The following TTF2 variants were observed in gnomAD, a reference collection of about 807,000 sequenced individuals.
TTF2 encodes transcription termination factor 2.
Under a neutral mutation model 142.4 loss-of-function variants are expected in TTF2, and 108 were observed. The ratio of observed to expected loss-of-function variants is 0.76; its 90% CI spans 0.65 to 0.89. The LOEUF (loss-of-function observed/expected upper bound fraction) is 0.89, where lower values mean the gene tolerates loss of function less well. Ranked by LOEUF, TTF2 falls within the 40% of genes least tolerant of loss-of-function variation. The pLI is 0.00. For missense variants in TTF2, 1,327 were observed against 1,379.8 expected (o/e 0.96, Z 0.61); for synonymous variants, 483 against 506.2 (o/e 0.95, Z 0.61).
In TTF2 at chr1:117,077,985, G is replaced by A. The variant is rs137921158; in HGVS notation, c.1643G>A (p.Arg548His). Reference sequence around the variant, plus strand: ...AGTGAAGCCATCGGTCAACTGCATCGCTCACTTGAGTCATGTCCTGGTGAG... The same window carrying A: ...AGTGAAGCCATCGGTCAACTGCATCACTCACTTGAGTCATGTCCTGGTGAG... Reference protein sequence around the residue: ...ITSEAIGQLHRSLESCPGETV... With the variant: ...ITSEAIGQLHHSLESCPGETV... The change falls in exon 8 of 23, where the codon CGC becomes CAC. Residue 548 changes from arginine (R) to histidine (H), a missense_variant. Arg to His is a conservative substitution (Grantham distance 29, BLOSUM62 0). Transcript: ENST00000369466. The A allele has an allele frequency of 3.2e-4, 510 of 1,614,074 alleles. No homozygotes were observed. The highest frequency in any genetic ancestry group is 4.1e-4 in the Non-Finnish European group (483 of 1,180,028).
intron 15 of TTF2, among the ~76,000 whole-genome samples, chr1:117,091,031 C>T (rs938733413): frequency 6.6e-6 from 1 of 152,212 alleles, no homozygotes; most frequent in African/African-American, 2.4e-5. Context: ...TTCTCTTGAA[C>T]TCTTATCTTT....
intron 10 of TTF2, among the ~76,000 whole-genome samples, chr1:117,083,453 G>A (rs530470796): frequency 6.6e-6 from 1 of 152,186 alleles, no homozygotes; most frequent in African/African-American, 2.4e-5. Flanking sequence ...AAAGGTTTCT[G>A]TACTTAATTT....
rs1284904632 is a variant in TTF2, at chr1:117,090,224, C to G, written c.2496+16C>G. 1 of 1,612,320 alleles carries G rather than the reference C, an allele frequency of 6.2e-7. No homozygotes were observed. The highest frequency in any genetic ancestry group is 1.3e-5 in the African/African-American group (1 of 74,888). ...CAGACCTTTGGTAATCAAGTTTGTA[C>G]CTGTCCCTGGGGGAGGCCAGGGAAG... On this transcript the variant is annotated intron_variant, in intron 14 of 22. Transcript: ENST00000369466. The surrounding 1 kb of genome is among the most constrained non-coding windows in gnomAD (Gnocchi z 4.8).
chr1:117,096,238 C>G lies in TTF2; in HGVS notation c.3125C>G (p.Ser1042Cys). Residue 1042 changes from serine to cysteine, a missense_variant, in exon 20 of 23, where the codon TCT becomes TGT. Coordinates refer to ENST00000369466, the MANE Select transcript of TTF2 (RefSeq NM_003594.4). ...HGLTYATIDG[S>C]VNPKQRMDLV... is the part of the protein sequence containing the mutation. ...CTGACTTATGCCACCATCGATGGCT[C>G]TGTCAATCCCAAGCAGAGAATGGAC... The G allele has an allele frequency of 1.2e-6, 2 of 1,614,048 alleles. No homozygotes were observed. The highest frequency in any genetic ancestry group is 1.6e-4 in the Middle Eastern group (1 of 6,062).
At position 117,075,494 on chromosome 1, in the gene TTF2, AC is replaced by A. The variant is rs756954173; in HGVS notation, c.913del (p.Gln305ArgfsTer74). The A allele has an allele frequency of 6.2e-7, 1 of 1,614,128 alleles. No individual in the cohort carries two copies. Among genetic ancestry groups the A allele is most frequent in the East Asian group, 2.2e-5 (1 of 44,880 alleles). ...KAKDGPSIQATQKSLPQGHFQ... is the reference protein window; with the variant it reads ...KAKDGPSIQAXQKSLPQGHFQ... ...AAAGGATGGCCCTAGCATACAGGCC[AC>A]CCAGAAAAGCCTGCCTCAGGGGCAT... On this transcript the variant is annotated frameshift_variant, in exon 5 of 23. Transcript: ENST00000369466. LOFTEE classifies it high-confidence loss of function. The surrounding 1 kb of genome is among the most constrained non-coding windows in gnomAD (Gnocchi z 4.5).
rs957265303 is a variant in TTF2, at chr1:117,076,326, T to C, written c.1390+32T>C. 1 of 1,546,996 alleles carries C rather than the reference T, an allele frequency of 6.5e-7. No individual in the cohort carries two copies. Among genetic ancestry groups the C allele is most frequent in the Non-Finnish European group, 8.9e-7 (1 of 1,125,530 alleles). On this transcript the variant is annotated intron_variant, in intron 6 of 22. Transcript: ENST00000369466. The surrounding 1 kb of genome is among the most constrained non-coding windows in gnomAD (Gnocchi z 4.6). ...TGGCTTATGCCTCAGAACTCCGGGTTTGCATCGACTTTACAAGAGACATTC... is the reference window on the plus strand; with the variant it reads ...TGGCTTATGCCTCAGAACTCCGGGTCTGCATCGACTTTACAAGAGACATTC...
Position 117,079,587 on chromosome 1 carries a change from AG to A in TTF2, c.1722del (p.Lys575SerfsTer26). 1 of 1,614,244 alleles carries A rather than the reference AG, an allele frequency of 6.2e-7. No homozygotes were observed. The highest frequency in any genetic ancestry group is 8.5e-7 in the Non-Finnish European group (1 of 1,180,036). ...TGTCAGGTCCCTTTGCTACTACACC[AG>A]AAGCAGGCATTGGCTTGGTTACTAT... ...AGLKVPLLLH[Q>X]KQALAWLLWR... On this transcript the variant is annotated frameshift_variant, in exon 9 of 23. Transcript: ENST00000369466. LOFTEE classifies it high-confidence loss of function. This position sits in a 1 kb window ranked among gnomAD's most constrained non-coding sequence, Gnocchi z 4.2.
intron 3 of TTF2, among the ~76,000 whole-genome samples, chr1:117,068,186 A>T (rs1388371053): frequency 6.6e-6 from 1 of 152,250 alleles, no homozygotes; most frequent in Non-Finnish European, 1.5e-5. Flanking sequence ...ACTCAAGGAT[A>T]CAGGGTCAAA....
At position 117,070,235 on chromosome 1, in the gene TTF2, T is replaced by A. The variant is rs1366954742; in HGVS notation, c.219-3426T>A. Among the ~76,000 whole-genome samples, 1 of 152,230 alleles carries A rather than the reference T, an allele frequency of 6.6e-6. No individual in the cohort carries two copies. Among genetic ancestry groups the A allele is most frequent in the Non-Finnish European group, 1.5e-5 (1 of 68,032 alleles). Reference sequence around the variant, plus strand: ...TTAAAGTAGACACTACAGTCATGAGTCATTTAACAATGGGGGCATATTCTG... The same window carrying A: ...TTAAAGTAGACACTACAGTCATGAGACATTTAACAATGGGGGCATATTCTG... On this transcript the variant is annotated intron_variant, in intron 3 of 22. Transcript: ENST00000369466. The surrounding 1 kb of genome is among the most constrained non-coding windows in gnomAD (Gnocchi z 4.2).
rs1324920847 is a variant in TTF2 at position 117,094,551 on chromosome 1, A to G, written c.2977-758A>G. On this transcript the variant is annotated intron_variant, in intron 18 of 22. Coordinates refer to ENST00000369466, the MANE Select transcript of TTF2 (RefSeq NM_003594.4). The stretch of plus-strand genomic sequence containing the variant: ...AGGGAGCCTGTTCGGAAGCTTTAAC[A>G]ATGGTTCCTCCGTCTGGACAGGTCC... 13 of 467,200 alleles carry G rather than the reference A, an allele frequency of 2.8e-5. No individual in the cohort carries two copies. In the Middle Eastern group the frequency reaches 9.7e-4, roughly 35 times the overall value. 28.9% of individuals were successfully genotyped at this position (467,200 alleles called of 1,614,324 possible). A position where few individuals can be genotyped will look rare whatever the true frequency, so the allele number is the denominator to read the frequency against.
In TTF2 at chr1:117,093,544, C is replaced by T. The variant is rs140360290; in HGVS notation, c.2976+643C>T. On this transcript the variant is annotated intron_variant, in intron 18 of 22. Transcript: ENST00000369466. This position sits in a 1 kb window ranked among gnomAD's most constrained non-coding sequence, Gnocchi z 4.5. ...CTCAAGCTGCCGTTCTTGGGCTCAA[C>T]CTCTCTTCAAAGGCTTTTTTTGAAA... is the stretch of plus-strand genomic sequence containing the variant. Among the ~76,000 whole-genome samples, 97 of 152,260 alleles carry T rather than the reference C, an allele frequency of 6.4e-4. No individual in the cohort carries two copies. Among genetic ancestry groups the T allele is most frequent in the African/African-American group, 2.2e-3 (92 of 41,546 alleles).
At position 117,095,293 on chromosome 1, in the gene TTF2, T is replaced by C. The variant is rs111647410; in HGVS notation, c.2977-16T>C. 1 of 1,613,978 alleles carries C rather than the reference T, an allele frequency of 6.2e-7. No individual in the cohort carries two copies. The highest frequency in any genetic ancestry group is 1.6e-4 in the Middle Eastern group (1 of 6,062). ...GAATTGCTTAAACATACAATGTTGA[T>C]GTAACCTTTTCCCAGATTTCATCTC... On this transcript the variant is annotated splice_polypyrimidine_tract_variant and intron_variant, in intron 18 of 22. Coordinates refer to ENST00000369466, the MANE Select transcript of TTF2 (RefSeq NM_003594.4).
rs1331816433 is a variant in TTF2, at chr1:117,103,073, A to T, written c.*1549A>T. Reference sequence around the variant, plus strand: ...GTTTCTTCCCTCCTCAGCCTATGGGATGCAAAGGAACTGATGGAAGATTAC... The same window carrying T: ...GTTTCTTCCCTCCTCAGCCTATGGGTTGCAAAGGAACTGATGGAAGATTAC... On this transcript the variant is annotated 3_prime_UTR_variant, in exon 23 of 23. Coordinates refer to ENST00000369466, the MANE Select transcript of TTF2 (RefSeq NM_003594.4). 1.3e-5 allele frequency: 2 copies of T among 152,200 alleles called. No individual in the cohort carries two copies. Among genetic ancestry groups the T allele is most frequent in the Non-Finnish European group, 2.9e-5 (2 of 68,060 alleles). 9.4% of individuals were successfully genotyped at this position (152,200 alleles called of 1,614,324 possible).
At position 117,098,896 on chromosome 1, in the gene TTF2, T is replaced by A. The variant is rs202118895; in HGVS notation, c.3333T>A (p.Val1111=). ...ACCGAGTAGGGCAGCAGAAAGATGT[T>A]GTCATACACAGGTAAGTAATGGTCC... ...RIYRVGQQKD[V]VIHRFVCEGT... Residue 1111 remains valine, a synonymous_variant, in exon 22 of 23, where the codon GTT becomes GTA. Transcript: ENST00000369466. 7.4e-6 allele frequency: 12 copies of A among 1,612,944 alleles called. No homozygotes were observed. In the Admixed American group the frequency reaches 2.0e-4, roughly 27 times the overall value.
Position 117,090,567 on chromosome 1 carries a change from T to A in TTF2, c.2532T>A (p.His844Gln). 6.2e-7 allele frequency: 1 copy of A among 1,614,154 alleles called. No homozygotes were observed. Among genetic ancestry groups the A allele is most frequent in the Non-Finnish European group, 8.5e-7 (1 of 1,180,014 alleles). Residue 844 changes from histidine to glutamine, a missense_variant, in exon 15 of 23, where the codon CAT becomes CAA. His to Gln is a conservative substitution (Grantham distance 24). Transcript: ENST00000369466. The surrounding 1 kb of genome is among the most constrained non-coding windows in gnomAD (Gnocchi z 4.8). ...ILPQRKFQLH[H>Q]LKLSEDEETV... ...CCCAGCGTAAATTTCAGTTGCACCA[T>A]TTAAAGCTTTCTGAAGATGAAGAGA... is the stretch of plus-strand genomic sequence containing the variant.
intron 3 of TTF2, among the ~76,000 whole-genome samples, chr1:117,065,937 G>A (rs1406753098): frequency 4.0e-5 from 6 of 149,900 alleles, no homozygotes; most frequent in African/African-American, 1.5e-4. Flanking sequence ...AGTGAAAATA[G>A]GGCAAAGAGA....
intron 13 of TTF2, among the ~76,000 whole-genome samples, chr1:117,089,547 G>C (rs1648380414): frequency 6.6e-6 from 1 of 151,886 alleles, no homozygotes; most frequent in East Asian, 1.9e-4. Flanking sequence ...AAATTAGCCA[G>C]GCACAGGGGT....
chr1:117,077,902 C>G lies in TTF2; in HGVS notation c.1574-14C>G. On this transcript the variant is annotated splice_polypyrimidine_tract_variant and intron_variant, in intron 7 of 22. Coordinates refer to ENST00000369466, the MANE Select transcript of TTF2 (RefSeq NM_003594.4). ...ACTTGTGACATCTTTTAGGTAACAC[C>G]TATTTGTATGCAGGCCATACAAACC... is the stretch of plus-strand genomic sequence containing the variant. The G allele has an allele frequency of 6.2e-7, 1 of 1,613,762 alleles. No homozygotes were observed. Among genetic ancestry groups the G allele is most frequent in the South Asian group, 1.1e-5 (1 of 91,038 alleles).
chr1:117,083,891 C>A, intron 10 of TTF2, 127 bp from the exon 11 acceptor site: 1 of 1,103,340 alleles, frequency 9.1e-7, no homozygotes, highest in Non-Finnish European at 1.3e-6. Flanking sequence ...GCAGGAGGAT[C>A]ACTTGAGCCT....
Sources: gnomAD v4.1 joint callset for allele counts (sites outside exome capture counted in the v4.1 genomes callset) on GRCh38, gnomAD v4.1.1 for gene constraint, Gnocchi (gnomAD v3.1) non-coding constraint, MANE v1.5 for transcripts, NCBI Gene and HGNC (gene_info 2026-07-23, HGNC 2026-07-21) for gene names.